UNC5D: variants seen among roughly 807,000 people sequenced by gnomAD.
The protein encoded by UNC5D is netrin receptor UNC5D.
Under a neutral mutation model 105.4 loss-of-function variants are expected in UNC5D, and 39 were observed. The observed-to-expected ratio is 0.37, with a 90% CI of 0.29 to 0.48. The LOEUF (loss-of-function observed/expected upper bound fraction) is 0.48, where lower values mean the gene tolerates loss of function less well. Ranked by LOEUF, UNC5D falls within the 20% of genes least tolerant of loss-of-function variation. UNC5D has a pLI of 0.98. For synonymous variants in UNC5D, 452 were observed against 450.4 expected (o/e 1.00, Z -0.04); for missense variants, 991 against 1,202.4 (o/e 0.82, Z 2.60).
At chr8:35,447,924 A>G (rs1478310902) in intron 1 of UNC5D, among the ~76,000 whole-genome samples, 1 of 152,100 alleles carries the variant, frequency 6.6e-6, no homozygotes, top group Non-Finnish European at 1.5e-5. Flanking sequence ...GCATTATTCT[A>G]CCAGGAAATA....
chr8:35,767,006 C>A lies in UNC5D; in HGVS notation c.2418C>A (p.Ile806=), dbSNP rs1344747609. Residue 806 remains isoleucine, a synonymous_variant, in exon 15 of 17, where the codon ATC becomes ATA. Coordinates refer to ENST00000404895, the MANE Select transcript of UNC5D (RefSeq NM_080872.4). The part of the protein sequence containing the change: ...TPTTTQLSCK[I]CIRQLKGHEQ... ...CTACCACCCAGCTGTCCTGCAAAATCTGCATTCGGCAGCTCAAAGGCCATG... is the reference window on the plus strand; with the variant it reads ...CTACCACCCAGCTGTCCTGCAAAATATGCATTCGGCAGCTCAAAGGCCATG... 5.6e-6 allele frequency: 9 copies of A among 1,614,086 alleles called. No individual in the cohort carries two copies. The highest frequency in any genetic ancestry group is 1.7e-4 in the Middle Eastern group (1 of 6,058).
chr8:35,514,254 C>T (rs895919255), intron 1 of UNC5D, among the ~76,000 whole-genome samples: 11 of 152,190 alleles, frequency 7.2e-5, no homozygotes. Context: ...TAGTGTGCAA[C>T]CTTCTCTCCC....
At chr8:35,368,792 A>G (rs1397803986) in intron 1 of UNC5D, among the ~76,000 whole-genome samples, 1 of 151,978 alleles carries the variant, frequency 6.6e-6, no homozygotes, top group Non-Finnish European at 1.5e-5. Context: ...CCTTAGAACA[A>G]GAGACAGTAG....
rs527871122 is a variant in UNC5D, at chr8:35,682,881, G to C, written c.571-666G>C. 2.6e-5 allele frequency among the ~76,000 whole-genome samples: 4 copies of C among 152,332 alleles called. No homozygotes were observed. The East Asian group carries it at 7.7e-4, about 29-fold the overall frequency. ...ATGGGGAAGGTGGGCTTCTCCAGAA[G>C]AAGGGCTGGGCCTCAACTGTGTCAG... On this transcript the variant is annotated intron_variant, in intron 4 of 16. Coordinates refer to ENST00000404895, the MANE Select transcript of UNC5D (RefSeq NM_080872.4).
At chr8:35,368,471 A>G (rs1802257922) in intron 1 of UNC5D, among the ~76,000 whole-genome samples, 1 of 152,082 alleles carries the variant, frequency 6.6e-6, no homozygotes, top group South Asian at 2.1e-4. Flanking sequence ...AAGCAAAGAC[A>G]TTCTATTATA....
intron 1 of UNC5D, among the ~76,000 whole-genome samples, chr8:35,362,142 G>A (rs558569763): frequency 7.9e-5 from 12 of 152,236 alleles, no homozygotes; most frequent in African/African-American, 2.4e-4. Context: ...CATTAATATG[G>A]TTGGGATGTT....
intron 1 of UNC5D, among the ~76,000 whole-genome samples, chr8:35,307,852 G>A (rs1312757587): frequency 2.6e-5 from 4 of 152,060 alleles, no homozygotes; most frequent in Non-Finnish European, 5.9e-5. Context: ...GCACAACATT[G>A]ATTGCAATGG....
intron 7 of UNC5D, among the ~76,000 whole-genome samples, chr8:35,689,299 A>C (rs1258372880): frequency 6.6e-6 from 1 of 152,242 alleles, no homozygotes; most frequent in African/African-American, 2.4e-5. Context: ...GCATTGTAAT[A>C]GTTTGTCATT....
At chr8:35,684,806 T>C in intron 6 of UNC5D, 57 bp downstream of exon 6, 2 of 1,501,536 alleles carry the variant, frequency 1.3e-6, no homozygotes, top group South Asian at 1.4e-5. Context: ...ATTAAGCTGG[T>C]GTGAAACAAT....
At chr8:35,414,267 G>A (rs146282557) in intron 1 of UNC5D, among the ~76,000 whole-genome samples, 51 of 152,180 alleles carry the variant, frequency 3.4e-4, no homozygotes, top group African/African-American at 1.2e-3. Flanking sequence ...TCTCCTTTGT[G>A]TGCTCTTGAA....
intron 4 of UNC5D, among the ~76,000 whole-genome samples, chr8:35,645,059 ATG>A (rs1266851478): frequency 6.6e-6 from 1 of 152,164 alleles, no homozygotes; most frequent in Non-Finnish European, 1.5e-5. Context: ...GGCGGTTGCA[ATG>A]TCCTTTAGCT....
intron 3 of UNC5D, among the ~76,000 whole-genome samples, chr8:35,579,706 A>G (rs755669883): frequency 2.6e-5 from 4 of 152,206 alleles, no homozygotes; most frequent in Non-Finnish European, 2.9e-5. Flanking sequence ...AGATGGTGCT[A>G]CCAAAGAGAA....
intron 4 of UNC5D, among the ~76,000 whole-genome samples, chr8:35,609,250 G>T (rs1190032025): frequency 6.6e-6 from 1 of 152,062 alleles, no homozygotes; most frequent in African/African-American, 2.4e-5. Flanking sequence ...ACTCTTTAGT[G>T]GGGTTAGGTA....
intron 4 of UNC5D, among the ~76,000 whole-genome samples, chr8:35,614,843 C>T (rs944009594): frequency 2.0e-5 from 3 of 152,086 alleles, no homozygotes; most frequent in African/African-American, 7.2e-5. Flanking sequence ...ATATCTAAAG[C>T]TCCTAATTGG....
At chr8:35,595,441 T>G (rs571007713) in intron 3 of UNC5D, 113 bp from the exon 4 acceptor site, 35 of 787,562 alleles carry the variant, frequency 4.4e-5, no homozygotes, top group East Asian at 9.9e-5. Flanking sequence ...TGACTTATTT[T>G]TGTGTGTGTG....
chr8:35,500,428 A>T (rs907222591), intron 1 of UNC5D, among the ~76,000 whole-genome samples: 2 of 152,192 alleles, frequency 1.3e-5, no homozygotes, highest in Admixed American at 6.5e-5. Flanking sequence ...TGGGGGCTAC[A>T]TTTAACCTGT....
chr8:35,461,743 C>T (rs941800342), intron 1 of UNC5D, among the ~76,000 whole-genome samples: 1 of 152,130 alleles, frequency 6.6e-6, no homozygotes, highest in African/African-American at 2.4e-5. Flanking sequence ...CAGGACAGGG[C>T]AGGTGACAGT....
At chr8:35,767,142 C>T (rs945466931) in intron 15 of UNC5D, 76 bp downstream of exon 15, 16 of 1,465,376 alleles carry the variant, frequency 1.1e-5, no homozygotes, top group Admixed American at 1.1e-4. Flanking sequence ...ACCTACCAGC[C>T]GTGCTATTCA....
intron 1 of UNC5D, among the ~76,000 whole-genome samples, chr8:35,495,267 C>G (rs899359195): frequency 6.6e-6 from 1 of 151,846 alleles, no homozygotes; most frequent in African/African-American, 2.4e-5. Flanking sequence ...TATCTTTTTT[C>G]TAGCAAAATT....
Sources: allele counts gnomAD v4.1 joint callset (sites outside exome capture counted in the v4.1 genomes callset), GRCh38; gene constraint gnomAD v4.1.1; transcripts MANE v1.5; gene names NCBI Gene and HGNC (gene_info 2026-07-23, HGNC 2026-07-21).